The following MRTFA variants were observed in gnomAD, a reference collection of about 807,000 sequenced individuals.
MRTFA encodes myocardin related transcription factor A.
Under a neutral mutation model 83.5 loss-of-function variants are expected in MRTFA, and 20 were observed. The ratio of observed to expected loss-of-function variants is 0.24; its 90% CI spans 0.17 to 0.35. The LOEUF is 0.35. MRTFA is among the 10% of genes least tolerant of loss of function. The pLI, the probability that MRTFA is intolerant of heterozygous loss-of-function variation, is 1.00. For synonymous variants in MRTFA, 659 were observed against 541.2 expected (o/e 1.22, Z -3.02); for missense variants, 1,200 against 1,224.7 (o/e 0.98, Z 0.30).
At chr22:40,420,789 G>T in intron 10 of MRTFA, 58 bp downstream of exon 10, 1 of 1,602,842 alleles carries the variant, frequency 6.2e-7, no homozygotes. Context: ...CCTGGCACCT[G>T]CCTGGCTCAG....
At chr22:40,450,061 T>C (rs974588003) in intron 4 of MRTFA, among the ~76,000 whole-genome samples, 1 of 152,174 alleles carries the variant, frequency 6.6e-6, no homozygotes, top group Non-Finnish European at 1.5e-5. Context: ...GTGTCACTGG[T>C]ATGTAAGGGT....
chr22:40,459,830 C>CATATACATATATATAT (rs1555973835), intron 4 of MRTFA, among the ~76,000 whole-genome samples: 2 of 86,952 alleles, frequency 2.3e-5, no homozygotes. Flanking sequence ...CACATATATA[C>CATATACATATATATAT]ATATATATAT....
chr22:40,463,068 G>C (rs1162939523), intron 4 of MRTFA, among the ~76,000 whole-genome samples, 153 bp downstream of exon 4: 3 of 152,158 alleles, frequency 2.0e-5, no homozygotes, highest in African/African-American at 7.2e-5. Flanking sequence ...TTTAGTGATT[G>C]AGCTCTAAAC....
intron 1 of MRTFA, among the ~76,000 whole-genome samples, chr22:40,613,345 T>A (rs1402428763): frequency 6.6e-6 from 1 of 152,182 alleles, no homozygotes; most frequent in Non-Finnish European, 1.5e-5. Flanking sequence ...TTCTCTTGGG[T>A]AACAAACACC....
chr22:40,549,085 G>A (rs1261450953), intron 3 of MRTFA, among the ~76,000 whole-genome samples: 2 of 152,010 alleles, frequency 1.3e-5, no homozygotes, highest in Non-Finnish European at 2.9e-5. Context: ...TTTTTTAAGA[G>A]ACAGGGTCTC....
chr22:40,419,995 C>A (rs2147071380), intron 11 of MRTFA, among the ~76,000 whole-genome samples: 1 of 152,212 alleles, frequency 6.6e-6, no homozygotes, highest in South Asian at 2.1e-4. Context: ...ACTGGACAGT[C>A]CTGTCTACAC....
chr22:40,569,773 A>G (rs1235992232), intron 2 of MRTFA: 1 of 139,426 alleles, frequency 7.2e-6, no homozygotes, highest in Non-Finnish European at 1.6e-5. Context: ...ACATACATAC[A>G]TACATCAAGG....
intron 3 of MRTFA, among the ~76,000 whole-genome samples, chr22:40,468,343 A>C (rs1239807409): frequency 6.6e-6 from 1 of 152,188 alleles, no homozygotes; most frequent in Admixed American, 6.5e-5. Flanking sequence ...TACCTTATAC[A>C]TGTATTGATT....
intron 3 of MRTFA, among the ~76,000 whole-genome samples, chr22:40,531,676 A>G (rs2055084926): frequency 6.6e-6 from 1 of 152,192 alleles, no homozygotes; most frequent in South Asian, 2.1e-4. Context: ...ATCTACTGAT[A>G]AAGCCCAAAA....
chr22:40,528,892 T>C (rs899560419), intron 3 of MRTFA, among the ~76,000 whole-genome samples: 1 of 152,192 alleles, frequency 6.6e-6, no homozygotes, highest in African/African-American at 2.4e-5. Context: ...TTTGCAATTT[T>C]TTAAAAGCTC....
At chr22:40,509,297 A>C (rs183827415) in intron 3 of MRTFA, among the ~76,000 whole-genome samples, 1 of 152,352 alleles carries the variant, frequency 6.6e-6, no homozygotes, top group East Asian at 1.9e-4. Flanking sequence ...CATCCATTCT[A>C]ACTCTTACTG....
At chr22:40,444,616 C>T (rs974408685) in intron 4 of MRTFA, among the ~76,000 whole-genome samples, 30 of 152,248 alleles carry the variant, frequency 2.0e-4, no homozygotes, top group Admixed American at 1.8e-3. Flanking sequence ...GGAAATGGCA[C>T]GATATTTCTC....
At chr22:40,533,634 A>G (rs2147279791) in intron 3 of MRTFA, 2 of 1,229,988 alleles carry the variant, frequency 1.6e-6, no homozygotes, top group Non-Finnish European at 2.0e-6. Context: ...CAGTAGAGTC[A>G]TGACGGATTC....
chr22:40,424,182 A>G (rs2052903682), intron 8 of MRTFA, 24 bp downstream of exon 8: 3 of 1,572,548 alleles, frequency 1.9e-6, no homozygotes, highest in African/African-American at 1.4e-5. Context: ...GGAGCTGGGG[A>G]AGCATCTGGA....
At chr22:40,413,778 T>C (rs1185652896) in intron 14 of MRTFA, among the ~76,000 whole-genome samples, 2 of 152,178 alleles carry the variant, frequency 1.3e-5, no homozygotes, top group African/African-American at 4.8e-5. Flanking sequence ...AAAAAAAATG[T>C]GCAAAGGACT....
At chr22:40,582,685 C>G (rs1047315414) in intron 2 of MRTFA, among the ~76,000 whole-genome samples, 1 of 152,052 alleles carries the variant, frequency 6.6e-6, no homozygotes, top group Non-Finnish European at 1.5e-5. Context: ...CACACACACA[C>G]ACACACACAC....
chr22:40,599,474 T>C (rs1212348364), intron 1 of MRTFA, among the ~76,000 whole-genome samples: 2 of 152,148 alleles, frequency 1.3e-5, no homozygotes, highest in Non-Finnish European at 2.9e-5. Flanking sequence ...ATCCTTATCT[T>C]CTAAAAAATA....
chr22:40,459,451 G>A (rs2053656921), intron 4 of MRTFA, among the ~76,000 whole-genome samples: 1 of 151,914 alleles, frequency 6.6e-6, no homozygotes, highest in Admixed American at 6.6e-5. Context: ...GTGGATCTTG[G>A]TATATGGGAA....
chr22:40,577,212 A>C (rs1439266164), intron 2 of MRTFA, among the ~76,000 whole-genome samples: 1 of 143,988 alleles, frequency 6.9e-6, no homozygotes, highest in East Asian at 2.2e-4. Context: ...CTCCTGCCTG[A>C]GTAACAGAGT....
Sources: gnomAD v4.1 joint callset for allele counts (sites outside exome capture counted in the v4.1 genomes callset) on GRCh38, gnomAD v4.1.1 for gene constraint, MANE v1.5 for transcripts, NCBI Gene and HGNC (gene_info 2026-07-23, HGNC 2026-07-21) for gene names.